Variants in SNX5 observed in about 807,000 individuals in gnomAD.
SNX5 encodes the protein sorting nexin 5, also known as sorting nexin-5.
In SNX5, 31 loss-of-function variants were observed where a neutral mutation model predicts 53.9. The ratio of observed to expected loss-of-function variants is 0.58; its 90% CI spans 0.43 to 0.78. The LOEUF is 0.78. SNX5 is among the 30% of genes least tolerant of loss of function. SNX5 has a pLI of 0.00. For missense variants in SNX5, 471 were observed against 478.8 expected, an observed-to-expected ratio of 0.98 and a Z score of 0.15; for synonymous variants, 168 against 171.1, an observed-to-expected ratio of 0.98 and a Z score of 0.14.
At chr20:17,944,898 T>C (rs902164497) in intron 11 of SNX5, 3 of 152,208 alleles carry the variant, frequency 2.0e-5, no homozygotes, top group African/African-American at 7.2e-5. Flanking sequence ...TAATGACCCA[T>C]TGGAAATTGG....
At chr20:17,966,232 A>G (rs2035534628) in intron 1 of SNX5, among the ~76,000 whole-genome samples, 1 of 152,120 alleles carries the variant, frequency 6.6e-6, no homozygotes, top group Admixed American at 6.6e-5. Flanking sequence ...CAAAAATACA[A>G]AAATTAGCCG....
At chr20:17,949,290 C>T (rs2039530912) in intron 8 of SNX5, among the ~76,000 whole-genome samples, 187 bp from the exon 9 acceptor site, 1 of 152,216 alleles carries the variant, frequency 6.6e-6, no homozygotes, top group Non-Finnish European at 1.5e-5. Flanking sequence ...CAAAATTACA[C>T]ACATGTACAG....
chr20:17,963,676 CTCAT>C (rs1456705531), intron 1 of SNX5, among the ~76,000 whole-genome samples: 1 of 152,212 alleles, frequency 6.6e-6, no homozygotes, highest in Non-Finnish European at 1.5e-5. Flanking sequence ...GTCCATATTA[CTCAT>C]GTGGATGAGG....
At position 17,948,875 on chromosome 20, in the gene SNX5, C is replaced by A; in HGVS notation, c.918+15G>T. The A allele has an allele frequency of 6.2e-7, 1 of 1,607,124 alleles. No individual in the cohort carries two copies. The highest frequency in any genetic ancestry group is 8.5e-7 in the Non-Finnish European group (1 of 1,175,440). On this transcript the variant is annotated intron_variant, in intron 10 of 12. Transcript: ENST00000377759. ...TCCTGCACTGCTCTGAGAAGCTGAG[C>A]AACTCTCTTCCTACCTTAGCAGCTT...
At chr20:17,963,731 T>C (rs1235713599) in intron 1 of SNX5, among the ~76,000 whole-genome samples, 1 of 152,212 alleles carries the variant, frequency 6.6e-6, no homozygotes, top group Non-Finnish European at 1.5e-5. Flanking sequence ...TGGTCTCACT[T>C]CATGATCAAA....
At chr20:17,951,316 G>T (rs771450974) in intron 6 of SNX5, 184 bp downstream of exon 6, 1 of 584,582 alleles carries the variant, frequency 1.7e-6, no homozygotes. Flanking sequence ...TCCTGGGACA[G>T]AACAAGGTGC....
At position 17,955,442 on chromosome 20, in the gene SNX5, A is replaced by G. The variant is rs771628005; in HGVS notation, c.190T>C (p.Ser64Pro). ...TLPTFQSPEF[S>P]VTRQHEDFVW... ...AAGTCTTCATGTTGCCTTGTAACAG[A>G]AAACTCTGGGCTCTGAAACGTGGGC... The change falls in exon 3 of 13, where the codon TCT becomes CCT. Residue 64 changes from serine (S) to proline (P), a missense_variant. By Grantham distance (74) the Ser-to-Pro change is moderately conservative. Transcript: ENST00000377759. The G allele has an allele frequency of 5.0e-6, 8 of 1,614,048 alleles. No homozygotes were observed. Among genetic ancestry groups the G allele is most frequent in the African/African-American group, 2.7e-5 (2 of 74,936 alleles).
At position 17,959,461 on chromosome 20, in the gene SNX5, G is replaced by A. The variant is rs962331422; in HGVS notation, c.52-2424C>T. Among the ~76,000 whole-genome samples the A allele has an allele frequency of 5.2e-5, 5 of 96,114 alleles. 1 individual carries two copies. Among genetic ancestry groups the A allele is most frequent in the African/African-American group, 8.6e-5 (2 of 23,372 alleles). The allele number at this position is 96,114 out of a possible 152,430, so 63.1% of individuals were successfully genotyped here. A position where few individuals can be genotyped will look rare whatever the true frequency, so the allele number is the denominator to read the frequency against. On this transcript the variant is annotated intron_variant, in intron 1 of 12. Coordinates refer to ENST00000377759, the MANE Select transcript of SNX5 (RefSeq NM_014426.4). ...TGCAACCACAGCATATCAAACATCC[G>A]AGGTTCACTAGCAGCCATTTTGCCC...
rs1324516714 is a variant in SNX5, at chr20:17,968,432, G to A, written c.-7C>T. On this transcript the variant is annotated 5_prime_UTR_variant, in exon 1 of 13. Transcript: ENST00000377759. Reference sequence around the variant, plus strand: ...ACTCGGGAACCGCGGCCATGGCGACGCGGGACTCGAGCAGGGGCCGCCTGG... The same window carrying A: ...ACTCGGGAACCGCGGCCATGGCGACACGGGACTCGAGCAGGGGCCGCCTGG... The A allele has an allele frequency of 7.8e-7, 1 of 1,287,494 alleles. No homozygotes were observed. Among genetic ancestry groups the A allele is most frequent in the East Asian group, 3.1e-5 (1 of 31,992 alleles). The allele number at this position is 1,287,494 out of a possible 1,614,324, so 79.8% of individuals were successfully genotyped here. A position where few individuals can be genotyped will look rare whatever the true frequency, so the allele number is the denominator to read the frequency against.
intron 11 of SNX5, among the ~76,000 whole-genome samples, chr20:17,946,425 G>A (rs58053829): frequency 0.012 from 1,807 of 152,272 alleles, 32 homozygotes; most frequent in African/African-American, 0.04. Context: ...TAAAAAAGAC[G>A]GGTTAGGCTG....
intron 2 of SNX5, among the ~76,000 whole-genome samples, chr20:17,956,148 T>A (rs997353476): frequency 4.6e-5 from 7 of 152,084 alleles, no homozygotes; most frequent in African/African-American, 1.7e-4. Context: ...AAATAAATTT[T>A]AAAAAAACCT....
chr20:17,968,669 G>A lies in SNX5; in HGVS notation c.-244C>T. 5.1e-6 allele frequency: 3 copies of A among 592,788 alleles called. No homozygotes were observed. The highest frequency in any genetic ancestry group is 6.1e-6 in the Non-Finnish European group (2 of 325,826). 36.7% of individuals were successfully genotyped at this position (592,788 alleles called of 1,614,324 possible). Reference sequence around the variant, plus strand: ...CCAGTCCCCGCTGCCGTCCATCTTGGAGCCGGGCAAAGACGCCACGTGGGG... The same window carrying A: ...CCAGTCCCCGCTGCCGTCCATCTTGAAGCCGGGCAAAGACGCCACGTGGGG... On this transcript the variant is annotated 5_prime_UTR_variant, in exon 1 of 13. Coordinates refer to ENST00000377759, the MANE Select transcript of SNX5 (RefSeq NM_014426.4).
intron 5 of SNX5, among the ~76,000 whole-genome samples, chr20:17,952,037 C>T (rs1469506633): frequency 3.9e-5 from 6 of 152,308 alleles, no homozygotes; most frequent in Admixed American, 6.5e-5. Context: ...TCTTGGCTAA[C>T]GCGGTGAAAC....
rs2035588950 is a variant in SNX5, at chr20:17,968,110, G to A, written c.51+265C>T. ...GGGTCTCCAGAGATCATCTCTCCAA[G>A]TCCGCTCGGCACCGGCGCCTGAGCT... On this transcript the variant is annotated intron_variant, in intron 1 of 12. Coordinates refer to ENST00000377759, the MANE Select transcript of SNX5 (RefSeq NM_014426.4). 1.5e-5 allele frequency: 6 copies of A among 399,008 alleles called. No homozygotes were observed. The South Asian group carries it at 6.3e-4, about 42-fold the overall frequency. The allele number at this position is 399,008 out of a possible 1,614,324, so 24.7% of individuals were successfully genotyped here.
intron 1 of SNX5, among the ~76,000 whole-genome samples, chr20:17,962,450 G>A (rs2035472620): frequency 6.6e-6 from 1 of 151,816 alleles, no homozygotes; most frequent in African/African-American, 2.4e-5. Context: ...TGATCTGCCC[G>A]CCTCAGCCTC....
rs911814361 is a variant in SNX5, at chr20:17,965,936, T to C, written c.51+2439A>G. ...TGGTCAAAGTTCAGGATTGTTCCTA[T>C]ACTAACCAACTGCACTCCATTCTAG... On this transcript the variant is annotated intron_variant, in intron 1 of 12. Transcript: ENST00000377759. 2.6e-5 allele frequency among the ~76,000 whole-genome samples: 4 copies of C among 152,100 alleles called. No individual in the cohort carries two copies. The South Asian group carries it at 6.2e-4, about 24-fold the overall frequency.
At position 17,948,967 on chromosome 20, in the gene SNX5, C is replaced by T. The variant is rs201856245; in HGVS notation, c.841G>A (p.Gly281Ser). 2.5e-6 allele frequency: 4 copies of T among 1,612,478 alleles called. No homozygotes were observed. Among genetic ancestry groups the T allele is most frequent in the Non-Finnish European group, 2.5e-6 (3 of 1,179,750 alleles). Reference protein sequence around the residue: ...ELFEKLRKVEGRVSSDEDLKL... With the variant: ...ELFEKLRKVESRVSSDEDLKL... ...AAATCTTCATCTGATGAAACTCGAC[C>T]CTCTACTTTCTATATAGAAAAGGAA... Residue 281 changes from glycine to serine, a missense_variant, in exon 10 of 13, where the codon GGT (glycine) becomes AGT (serine). Physicochemically the swap from Gly to Ser is moderately conservative, Grantham distance 56. Coordinates refer to ENST00000377759, the MANE Select transcript of SNX5 (RefSeq NM_014426.4).
intron 1 of SNX5, among the ~76,000 whole-genome samples, chr20:17,960,043 C>T (rs2122405839): frequency 6.6e-6 from 1 of 152,300 alleles, no homozygotes; most frequent in Non-Finnish European, 1.5e-5. Flanking sequence ...GGCTTTAGAA[C>T]CAAGTCCAGC....
chr20:17,965,011 C>T (rs6105850), intron 1 of SNX5, among the ~76,000 whole-genome samples: 39,948 of 152,102 alleles, frequency 0.26, 5,734 homozygotes, highest in East Asian at 0.44. Flanking sequence ...TTTATTCTCA[C>T]AAAGATATCC....
Sources: gnomAD v4.1 joint callset for allele counts (sites outside exome capture counted in the v4.1 genomes callset) on GRCh38, gnomAD v4.1.1 for gene constraint, MANE v1.5 for transcripts, NCBI Gene and HGNC (gene_info 2026-07-23, HGNC 2026-07-21) for gene names.